Variants in DNAH14 observed in about 807,000 individuals in gnomAD.
DNAH14 encodes dynein axonemal heavy chain 14.
A neutral mutation model predicts 520.9 loss-of-function variants in DNAH14; 478 were observed. The observed-to-expected ratio is 0.92, with a 90% CI of 0.85 to 0.99. The LOEUF (loss-of-function observed/expected upper bound fraction) is 0.99. DNAH14 is among the 50% of genes least tolerant of loss of function. The probability of loss-of-function intolerance (pLI) is 0.00; values close to 1 mark genes in which losing one functional copy is unlikely to be tolerated. For synonymous variants in DNAH14, 1,581 were observed against 1,757.2 expected, an observed-to-expected ratio of 0.90 and a Z score of 2.51; for missense variants, 4,831 against 5,234.5, an observed-to-expected ratio of 0.92 and a Z score of 2.38.
In DNAH14 at chr1:225,004,287, T is replaced by A. The variant is rs532045752; in HGVS notation, c.975+1360T>A. Among the ~76,000 whole-genome samples, 3 of 152,288 alleles carry A rather than the reference T, an allele frequency of 2.0e-5. No individual in the cohort carries two copies. In the South Asian group the frequency reaches 6.2e-4, roughly 32 times the overall value. ...TCTTTGTTATGCTAATCATTCTACC[T>A]AACCCATTAGCAAAGTATAAGGTAA... On this transcript the variant is annotated intron_variant, in intron 9 of 85. Transcript: ENST00000682510.
chr1:225,123,839 G>A lies in DNAH14; in HGVS notation c.4254+225G>A, dbSNP rs541801416. 2.6e-5 allele frequency among the ~76,000 whole-genome samples: 4 copies of A among 151,790 alleles called. No homozygotes were observed. In the East Asian group the frequency reaches 7.8e-4, roughly 30 times the overall value. ...ACAATCTCAGCTCACTGCAGCCTCC[G>A]CCTCCCAGGTTCAAGTGATTCTGCT... is the stretch of plus-strand genomic sequence containing the variant. On this transcript the variant is annotated intron_variant, in intron 27 of 85. Transcript: ENST00000682510.
chr1:224,977,619 G>T (rs2061956305), intron 8 of DNAH14, among the ~76,000 whole-genome samples: 1 of 152,164 alleles, frequency 6.6e-6, no homozygotes. Context: ...GCACCAAGTT[G>T]TATACATTAA....
At chr1:225,076,168 C>T (rs1464699520) in intron 17 of DNAH14, among the ~76,000 whole-genome samples, 1 of 152,160 alleles carries the variant, frequency 6.6e-6, no homozygotes, top group Non-Finnish European at 1.5e-5. Context: ...CTGTCTGGAA[C>T]CCAAGGCCAC....
rs114623138 is a variant in DNAH14, at chr1:225,165,379, T to C, written c.5446-2560T>C. Reference sequence around the variant, plus strand: ...AGCCCTTTTAATATATACTCTTTTATTTTTAGTTCTCTAAATTAACAGGAG... The same window carrying C: ...AGCCCTTTTAATATATACTCTTTTACTTTTAGTTCTCTAAATTAACAGGAG... On this transcript the variant is annotated intron_variant, in intron 35 of 85. Coordinates refer to ENST00000682510, the MANE Select transcript of DNAH14 (RefSeq NM_001367479.1). Among the ~76,000 whole-genome samples, 714 of 152,256 alleles carry C rather than the reference T, an allele frequency of 4.7e-3. 5 individuals carry two copies. The highest frequency in any genetic ancestry group is 0.016 in the African/African-American group (669 of 41,552).
At chr1:225,108,606 T>C (rs1345038205) in intron 23 of DNAH14, among the ~76,000 whole-genome samples, 1 of 152,202 alleles carries the variant, frequency 6.6e-6, no homozygotes, top group Non-Finnish European at 1.5e-5. Flanking sequence ...ATTCTATTAA[T>C]AGTTATTAAT....
intron 80 of DNAH14, 142 bp from the exon 81 acceptor site, chr1:225,381,241 A>T: frequency 1.3e-6 from 1 of 799,470 alleles, no homozygotes; most frequent in Non-Finnish European, 2.0e-6. Flanking sequence ...AATGTTTGCT[A>T]TCTGACCTTC....
chr1:225,063,810 A>T (rs2070495309), intron 17 of DNAH14, among the ~76,000 whole-genome samples: 1 of 152,036 alleles, frequency 6.6e-6, no homozygotes, highest in African/African-American at 2.4e-5. Context: ...ATCCAATGAA[A>T]ACGAAAAAAG....
At chr1:225,245,997 A>G (rs2092258980) in intron 43 of DNAH14, among the ~76,000 whole-genome samples, 1 of 151,994 alleles carries the variant, frequency 6.6e-6, no homozygotes, top group African/African-American at 2.4e-5. Context: ...CAGTAACCAA[A>G]ACAGCATGAT....
chr1:225,378,745 G>T (rs2095737814), intron 79 of DNAH14, among the ~76,000 whole-genome samples: 1 of 151,960 alleles, frequency 6.6e-6, no homozygotes, highest in South Asian at 2.1e-4. Flanking sequence ...AGCCAGCATG[G>T]TGGTGAGCAC....
At chr1:225,288,459 T>A (rs1007065292) in intron 54 of DNAH14, among the ~76,000 whole-genome samples, 62 of 152,016 alleles carry the variant, frequency 4.1e-4, no homozygotes, top group African/African-American at 1.4e-3. Context: ...TAACAAGATC[T>A]GAAAAAAGTA....
intron 20 of DNAH14, among the ~76,000 whole-genome samples, chr1:225,082,959 A>G (rs2073314069): frequency 6.6e-6 from 1 of 152,128 alleles, no homozygotes; most frequent in Admixed American, 6.5e-5. Context: ...AGGTGATTAA[A>G]CAGTAATACT....
chr1:225,284,953 C>G (rs2093702934), intron 54 of DNAH14, among the ~76,000 whole-genome samples: 2 of 151,826 alleles, frequency 1.3e-5, no homozygotes, highest in South Asian at 2.1e-4. Flanking sequence ...TTACTCTCAG[C>G]AAAAAGGAAA....
At chr1:224,955,675 C>T (rs2060466788) in intron 3 of DNAH14, among the ~76,000 whole-genome samples, 2 of 152,024 alleles carry the variant, frequency 1.3e-5, no homozygotes. Flanking sequence ...AAAACTGTAC[C>T]TCCTCTCCTT....
chr1:225,293,621 C>T (rs941824504), intron 55 of DNAH14, among the ~76,000 whole-genome samples: 4 of 151,934 alleles, frequency 2.6e-5, no homozygotes, highest in Admixed American at 1.3e-4. Flanking sequence ...ATGATGAGAA[C>T]AGATGGACAC....
At chr1:225,008,101 T>C (rs2064338506) in intron 10 of DNAH14, among the ~76,000 whole-genome samples, 1 of 151,198 alleles carries the variant, frequency 6.6e-6, no homozygotes, top group Non-Finnish European at 1.5e-5. Context: ...CATGCCCCAG[T>C]GTATGATGTT....
intron 36 of DNAH14, among the ~76,000 whole-genome samples, chr1:225,178,451 AG>A (rs2083578587): frequency 1.3e-5 from 2 of 152,224 alleles, no homozygotes; most frequent in East Asian, 3.9e-4. Flanking sequence ...GGGAAAGACG[AG>A]CCCCCATGGT....
intron 78 of DNAH14, among the ~76,000 whole-genome samples, chr1:225,376,482 T>C (rs1168958158): frequency 2.0e-5 from 3 of 152,328 alleles, no homozygotes; most frequent in Admixed American, 6.5e-5. Context: ...ACAATGTGCA[T>C]GGTTTTGTAC....
At chr1:225,102,461 A>G (rs1250362983) in intron 23 of DNAH14, among the ~76,000 whole-genome samples, 2 of 152,148 alleles carry the variant, frequency 1.3e-5, no homozygotes, top group African/African-American at 2.4e-5. Context: ...CTGAGGAATC[A>G]CCACACTGAC....
At chr1:225,220,640 A>G (rs1181232704) in intron 41 of DNAH14, among the ~76,000 whole-genome samples, 1 of 152,236 alleles carries the variant, frequency 6.6e-6, no homozygotes, top group African/African-American at 2.4e-5. Context: ...CCACTGCTCA[A>G]GGAAATAAGA....
Sources: gnomAD v4.1 joint callset for allele counts (sites outside exome capture counted in the v4.1 genomes callset) on GRCh38, gnomAD v4.1.1 for gene constraint, MANE v1.5 for transcripts, NCBI Gene and HGNC (gene_info 2026-07-23, HGNC 2026-07-21) for gene names.